Variants in ZNF469 observed in about 807,000 individuals in gnomAD.
ZNF469 encodes the protein zinc finger protein 469.
In ZNF469, 1 loss-of-function variant was observed where a neutral mutation model predicts 1.0. The ratio of observed to expected loss-of-function variants is 1.00; its 90% confidence interval spans 0.35 to 4.73. ZNF469 has a LOEUF of 4.73. ZNF469 is among the 30% of genes most tolerant of loss of function. The probability of loss-of-function intolerance (pLI) is 0.16; values close to 1 mark genes in which losing one functional copy is unlikely to be tolerated. For missense variants in ZNF469, 6,100 were observed against 5,356.3 expected, an observed-to-expected ratio of 1.14 and a Z score of -4.33; for synonymous variants, 2,703 against 2,363.4, an observed-to-expected ratio of 1.14 and a Z score of -4.17.
the ZNF469 span, among the ~76,000 whole-genome samples, chr16:88,269,571 T>C: frequency 2.0e-5 from 3 of 152,174 alleles, no homozygotes; most frequent in African/African-American, 7.2e-5. Flanking sequence ...GCACACACTA[T>C]GGGCCCCGCC....
chr16:88,206,081 T>C, the ZNF469 span, among the ~76,000 whole-genome samples: 1 of 152,136 alleles, frequency 6.6e-6, no homozygotes, highest in Non-Finnish European at 1.5e-5. Flanking sequence ...AGGGGGGAGC[T>C]GTGCTGACCC....
At chr16:88,246,113 C>A in the ZNF469 span, among the ~76,000 whole-genome samples, 10,505 of 152,016 alleles carry the variant, frequency 0.069, 622 homozygotes, top group African/African-American at 0.24. Flanking sequence ...GGGCCTCATT[C>A]ATTTATTCTT....
the ZNF469 span, among the ~76,000 whole-genome samples, chr16:88,201,352 C>T: frequency 2.0e-5 from 3 of 152,204 alleles, no homozygotes; most frequent in East Asian, 1.9e-4. The surrounding 1 kb of genome is among the most constrained non-coding windows in gnomAD (Gnocchi z 5.0). Flanking sequence ...GTCAGGAGTT[C>T]GAGACCAGCC....
chr16:88,366,814 C>T, the ZNF469 span, among the ~76,000 whole-genome samples: 1 of 151,804 alleles, frequency 6.6e-6, no homozygotes, highest in East Asian at 1.9e-4. Flanking sequence ...ACTGTCATCA[C>T]CACCACCATC....
the ZNF469 span, among the ~76,000 whole-genome samples, chr16:88,340,676 A>T: frequency 1.3e-5 from 2 of 151,762 alleles, no homozygotes; most frequent in African/African-American, 4.8e-5. Context: ...AGCCGGGAGC[A>T]CAGAGGAGGC....
At chr16:88,131,939 T>A in the ZNF469 span, among the ~76,000 whole-genome samples, 3 of 152,162 alleles carry the variant, frequency 2.0e-5, no homozygotes, top group East Asian at 3.9e-4. Context: ...CTTGCCAGCC[T>A]CTAATGGCTC....
the ZNF469 span, among the ~76,000 whole-genome samples, chr16:88,234,601 G>A: frequency 6.6e-6 from 1 of 152,198 alleles, no homozygotes; most frequent in African/African-American, 2.4e-5. Context: ...GTGCCTGAGG[G>A]GACCGGTTTG....
At chr16:88,239,573 C>T in the ZNF469 span, among the ~76,000 whole-genome samples, 549 of 147,776 alleles carry the variant, frequency 3.7e-3, 4 homozygotes, top group African/African-American at 0.013. Flanking sequence ...CTGCAAGCTC[C>T]GCCTCCCAGG....
chr16:88,386,390 T>C (rs566873166), intron 1 of ZNF469, among the ~76,000 whole-genome samples: 469 of 151,722 alleles, frequency 3.1e-3, no homozygotes, highest in Admixed American at 6.0e-3. Context: ...TCCCGCCCCA[T>C]CTCCACCGGC....
At chr16:88,277,550 C>G in the ZNF469 span, among the ~76,000 whole-genome samples, 1 of 151,082 alleles carries the variant, frequency 6.6e-6, no homozygotes, top group African/African-American at 2.5e-5. Flanking sequence ...CACGCCGACA[C>G]TCGGTCAGTA....
the ZNF469 span, among the ~76,000 whole-genome samples, chr16:88,135,753 T>C: frequency 3.4e-5 from 1 of 29,658 alleles, no homozygotes; most frequent in African/African-American, 9.6e-5. Flanking sequence ...GCCATGTTTT[T>C]TTTTTTTTTT....
Position 88,431,460 on chromosome 16 carries a change from C to T in ZNF469, c.3990C>T (p.Pro1330=), listed in dbSNP as rs1380797487. ...PARQPGEFLA[P]VANPSSTACP... ...GCCAGCCTGGAGAATTTCTGGCACC[C>T]GTGGCTAACCCCTCAAGTACCGCCT... Residue 1330 remains proline, a synonymous_variant, in exon 3 of 3, where the codon CCC becomes CCT. Coordinates refer to ENST00000565624, the MANE Select transcript of ZNF469 (RefSeq NM_001367624.2). 24 of 1,550,278 alleles carry T rather than the reference C, an allele frequency of 1.5e-5. No homozygotes were observed. Among genetic ancestry groups the T allele is most frequent in the Non-Finnish European group, 2.0e-5 (23 of 1,146,996 alleles).
At chr16:88,172,016 G>A in the ZNF469 span, among the ~76,000 whole-genome samples, 21 of 152,298 alleles carry the variant, frequency 1.4e-4, no homozygotes, top group African/African-American at 4.6e-4. Context: ...TGATCCCTGC[G>A]AGAAAGGACA....
chr16:88,119,518 A>T, the ZNF469 span, among the ~76,000 whole-genome samples: 1 of 152,220 alleles, frequency 6.6e-6, no homozygotes, highest in South Asian at 2.1e-4. Flanking sequence ...ACCAAATACC[A>T]AAGTTTTCGT....
intron 1 of ZNF469, among the ~76,000 whole-genome samples, chr16:88,388,719 G>A (rs904991849): frequency 1.3e-5 from 2 of 151,680 alleles, no homozygotes; most frequent in African/African-American, 4.8e-5. Context: ...GCCAGGGCCA[G>A]TCTCCATACT....
chr16:88,304,329 C>T, the ZNF469 span, among the ~76,000 whole-genome samples: 1 of 152,190 alleles, frequency 6.6e-6, no homozygotes, highest in Non-Finnish European at 1.5e-5. Flanking sequence ...ACTGTGGGCT[C>T]CTCCCACCCT....
chr16:88,126,006 T>C, the ZNF469 span, among the ~76,000 whole-genome samples: 2 of 151,694 alleles, frequency 1.3e-5, no homozygotes, highest in African/African-American at 4.8e-5. Flanking sequence ...CTGGGCAACA[T>C]GGTGAAACCC....
At chr16:88,218,456 A>G in the ZNF469 span, among the ~76,000 whole-genome samples, 1 of 151,702 alleles carries the variant, frequency 6.6e-6, no homozygotes, top group South Asian at 2.1e-4. Flanking sequence ...ATTAGATCCC[A>G]TTTGTCAATT....
chr16:88,230,918 C>T, the ZNF469 span, among the ~76,000 whole-genome samples: 19 of 152,268 alleles, frequency 1.2e-4, no homozygotes, highest in East Asian at 7.7e-4. Flanking sequence ...ATGCTGGGGA[C>T]GGTGAGTGCC....
Sources: allele counts gnomAD v4.1 joint callset (sites outside exome capture counted in the v4.1 genomes callset), GRCh38; gene constraint gnomAD v4.1.1; non-coding constraint Gnocchi (gnomAD v3.1); transcripts MANE v1.5; gene names NCBI Gene and HGNC (gene_info 2026-07-23, HGNC 2026-07-21).